CRY2: variants seen among roughly 807,000 people sequenced by gnomAD.
CRY2 encodes the protein cryptochrome-2.
CRY2 carries 31 observed loss-of-function variants against 69.5 expected under a neutral mutation model. The observed-to-expected ratio is 0.45, with a 90% CI of 0.34 to 0.60. CRY2 has a LOEUF of 0.60. CRY2 is among the 20% of genes least tolerant of loss of function. CRY2 has a pLI of 0.02. For missense variants in CRY2, 606 were observed against 797.8 expected, an observed-to-expected ratio of 0.76 and a Z score of 2.90; for synonymous variants, 303 against 312.2, an observed-to-expected ratio of 0.97 and a Z score of 0.31.
intron 10 of CRY2, among the ~76,000 whole-genome samples, chr11:45,871,876 C>G (rs1191982776): frequency 6.6e-6 from 1 of 152,230 alleles, no homozygotes; most frequent in Admixed American, 6.5e-5. Flanking sequence ...AAAGCTGGTC[C>G]TGCTACCAGC....
chr11:45,880,290 C>T (rs1014942689), intron 11 of CRY2, among the ~76,000 whole-genome samples: 1 of 152,178 alleles, frequency 6.6e-6, no homozygotes, highest in Non-Finnish European at 1.5e-5. Flanking sequence ...CTCTGTCCTT[C>T]CTTTATTATC....
intron 6 of CRY2, 51 bp downstream of exon 6, chr11:45,867,803 T>G (rs1432416547): frequency 6.2e-7 from 1 of 1,609,564 alleles, no homozygotes; most frequent in South Asian, 1.1e-5. Flanking sequence ...CAGCCAGGCC[T>G]TTTGGGCTTG....
chr11:45,870,761 C>G, intron 9 of CRY2, 81 bp from the exon 10 acceptor site: 1 of 1,266,052 alleles, frequency 7.9e-7, no homozygotes, highest in Non-Finnish European at 1.1e-6. Flanking sequence ...ACCCTCCCCA[C>G]CCCCACTTGC....
In CRY2 at chr11:45,872,106, C is replaced by T; in HGVS notation, c.1657C>T (p.Pro553Ser). ...CTTCCCTACAGGCCCAAGACCACTACCCAGTGGCCCAGCATCCCCCAAACG... is the reference window on the plus strand; with the variant it reads ...CTTCCCTACAGGCCCAAGACCACTATCCAGTGGCCCAGCATCCCCCAAACG... ...SMSSAGPRPL[P>S]SGPASPKRKL... The change falls in exon 11 of 12, where the codon CCC becomes TCC. Residue 553 changes from proline (P) to serine (S), a missense_variant. Transcript: ENST00000616080. The T allele has an allele frequency of 1.2e-6, 2 of 1,614,064 alleles. No homozygotes were observed. The highest frequency in any genetic ancestry group is 1.7e-6 in the Non-Finnish European group (2 of 1,179,948).
In CRY2 at chr11:45,850,130, T is replaced by A. The variant is rs1430969167; in HGVS notation, c.215+2425T>A. 2.6e-5 allele frequency among the ~76,000 whole-genome samples: 4 copies of A among 151,794 alleles called. No homozygotes were observed. In the East Asian group the frequency reaches 7.8e-4, roughly 30 times the overall value. ...GCTCAGCGATCCTCCTGCCTTAGCC[T>A]CCCAAGTAGCTGGGACTGCAGGCAT... On this transcript the variant is annotated intron_variant, in intron 1 of 11. Coordinates refer to ENST00000616080, the MANE Select transcript of CRY2 (RefSeq NM_021117.5).
intron 11 of CRY2, among the ~76,000 whole-genome samples, chr11:45,879,054 A>G (rs1486043169): frequency 6.6e-6 from 1 of 151,416 alleles, no homozygotes; most frequent in Non-Finnish European, 1.5e-5. Context: ...ACATGGAGAA[A>G]CCCCATCTCT....
At chr11:45,867,809 G>T in intron 6 of CRY2, 57 bp downstream of exon 6, 1 of 1,608,640 alleles carries the variant, frequency 6.2e-7, no homozygotes, top group East Asian at 2.2e-5. Flanking sequence ...GGCCTTTTGG[G>T]CTTGTCAGTC....
At chr11:45,847,422 C>T (rs976399076), upstream of CRY2, 43 of 1,478,004 alleles carry the variant, frequency 2.9e-5, no homozygotes, top group Non-Finnish European at 3.9e-5. Context: ...GGTCACTGGG[C>T]GGGCTATGGG....
intron 11 of CRY2, among the ~76,000 whole-genome samples, chr11:45,880,582 C>T (rs1320534411): frequency 2.0e-5 from 3 of 152,142 alleles, no homozygotes; most frequent in African/African-American, 7.2e-5. Context: ...CAGAAGCTGC[C>T]CTTGTCATAT....
Position 45,882,762 on chromosome 11 carries a change from TGA to T in CRY2, c.*1855_*1856del, listed in dbSNP as rs1445036503. Reference sequence around the variant, plus strand: ...TCAAGCAAACCTGGAAGGGCAAATCTGAGAGTGGGAAGGCCAAAGGCCGAGGC... The same window carrying T: ...TCAAGCAAACCTGGAAGGGCAAATCTGAGTGGGAAGGCCAAAGGCCGAGGC... On this transcript the variant is annotated 3_prime_UTR_variant, in exon 12 of 12. Coordinates refer to ENST00000616080, the MANE Select transcript of CRY2 (RefSeq NM_021117.5). 2.5e-6 allele frequency: 1 copy of T among 398,548 alleles called. No individual in the cohort carries two copies. The highest frequency in any genetic ancestry group is 4.4e-6 in the Non-Finnish European group (1 of 226,084). 24.7% of individuals were successfully genotyped at this position (398,548 alleles called of 1,614,324 possible).
chr11:45,847,275 A>C, upstream of CRY2: 1 of 1,550,628 alleles, frequency 6.4e-7, no homozygotes, highest in Non-Finnish European at 8.7e-7. Context: ...GGGCGGACCC[A>C]CACATGGTAG....
rs2086343875 is a variant in CRY2, at chr11:45,867,847, G to A, written c.882+95G>A. On this transcript the variant is annotated intron_variant, in intron 6 of 11. Transcript: ENST00000616080. ...CCTAAAAAAGGCACTGGTGGGTGGG[G>A]GTTGGGCTATGGCCCCTGGAAGGGC... The A allele has an allele frequency of 1.4e-5, 22 of 1,552,636 alleles. No individual in the cohort carries two copies. The South Asian group carries it at 2.2e-4, about 15-fold the overall frequency.
At chr11:45,868,500 G>A (rs566701802) in intron 6 of CRY2, among the ~76,000 whole-genome samples, 4 of 152,078 alleles carry the variant, frequency 2.6e-5, no homozygotes, top group South Asian at 2.1e-4. Context: ...TACATTCTTT[G>A]TAGAGATAGG....
Position 45,856,095 on chromosome 11 carries a change from G to A in CRY2, c.324+5G>A, listed in dbSNP as rs756977453. The A allele has an allele frequency of 3.1e-6, 5 of 1,606,772 alleles. No individual in the cohort carries two copies. Among genetic ancestry groups the A allele is most frequent in the Non-Finnish European group, 3.4e-6 (4 of 1,173,416 alleles). On this transcript the variant is annotated splice_donor_5th_base_variant and intron_variant, in intron 2 of 11. Transcript: ENST00000616080. ...GTGTTCCCAAGGCTGTTCAAGGTAAGCGTGCAGAGCCCCAGAGAAGACAGT... is the reference window on the plus strand; with the variant it reads ...GTGTTCCCAAGGCTGTTCAAGGTAAACGTGCAGAGCCCCAGAGAAGACAGT...
chr11:45,878,055 C>T (rs1400796613), intron 11 of CRY2, among the ~76,000 whole-genome samples: 22 of 152,214 alleles, frequency 1.4e-4, no homozygotes, highest in Admixed American at 1.4e-3. Flanking sequence ...GAATTGTTAT[C>T]ATTATATCCA....
intron 6 of CRY2, 122 bp downstream of exon 6, chr11:45,867,874 T>G: frequency 3.1e-6 from 4 of 1,298,576 alleles, no homozygotes; most frequent in Non-Finnish European, 4.3e-6. Flanking sequence ...TGGAAGGGCC[T>G]AAGTGTGTGC....
chr11:45,881,772 GACTC>G lies in CRY2; in HGVS notation c.*866_*869del, dbSNP rs1388582636. The G allele has an allele frequency of 6.6e-6, 1 of 151,620 alleles. No homozygotes were observed. Among genetic ancestry groups the G allele is most frequent in the Non-Finnish European group, 1.5e-5 (1 of 67,680 alleles). 9.4% of individuals were successfully genotyped at this position (151,620 alleles called of 1,614,324 possible). On this transcript the variant is annotated 3_prime_UTR_variant, in exon 12 of 12. Transcript: ENST00000616080. Reference sequence around the variant, plus strand: ...GCTGTGAAGGGGCAAGGGTCAAACTGACTCACTCTACCAGGAGGAGACCAGGTTG... The same window carrying G: ...GCTGTGAAGGGGCAAGGGTCAAACTGACTCTACCAGGAGGAGACCAGGTTG...
chr11:45,848,086 G>A (rs1286644351), intron 1 of CRY2, among the ~76,000 whole-genome samples: 1 of 152,164 alleles, frequency 6.6e-6, no homozygotes, highest in Non-Finnish European at 1.5e-5. Context: ...GCGGAAGGGA[G>A]ATAACGTAGT....
At chr11:45,860,397 A>AC (rs1308391816) in intron 3 of CRY2, among the ~76,000 whole-genome samples, 3 of 151,672 alleles carry the variant, frequency 2.0e-5, no homozygotes, top group Non-Finnish European at 4.4e-5. Flanking sequence ...AAAAAAAAAA[A>AC]AAAAAAAAAC....
Sources: gnomAD v4.1 joint callset for allele counts (sites outside exome capture counted in the v4.1 genomes callset) on GRCh38, gnomAD v4.1.1 for gene constraint, MANE v1.5 for transcripts, NCBI Gene and HGNC (gene_info 2026-07-23, HGNC 2026-07-21) for gene names.